The following AP3B2 variants were observed in gnomAD, a reference collection of about 807,000 sequenced individuals.
The protein encoded by AP3B2 is adaptor related protein complex 3 subunit beta 2.
A neutral mutation model predicts 126.9 loss-of-function variants in AP3B2; 50 were observed. The ratio of observed to expected loss-of-function variants is 0.39; its 90% confidence interval spans 0.31 to 0.50. AP3B2 has a LOEUF of 0.50. AP3B2 is among the 20% of genes least tolerant of loss of function. The probability of loss-of-function intolerance (pLI) is 0.79; values close to 1 mark genes in which losing one functional copy is unlikely to be tolerated. For synonymous variants in AP3B2, 541 were observed against 565.0 expected, an observed-to-expected ratio of 0.96 and a Z score of 0.60; for missense variants, 1,177 against 1,426.4, an observed-to-expected ratio of 0.83 and a Z score of 2.82.
intron 11 of AP3B2, 138 bp from the exon 12 acceptor site, chr15:82,677,941 A>G (rs1025109943): frequency 1.4e-5 from 18 of 1,329,198 alleles, no homozygotes; most frequent in South Asian, 5.8e-5. Flanking sequence ...CTCCACCCCC[A>G]ATCCAGTGAT....
intron 14 of AP3B2, among the ~76,000 whole-genome samples, chr15:82,673,885 G>GC (rs2048199167): frequency 6.6e-6 from 1 of 152,126 alleles, no homozygotes; most frequent in Non-Finnish European, 1.5e-5. Context: ...ATCCCACTGT[G>GC]CCCCTGGCAG....
At position 82,680,349 on chromosome 15, in the gene AP3B2, C is replaced by A; in HGVS notation, c.1056-120G>T. ...AGGACCAGTGCGGAGGGCAGGACTA[C>A]GGTCAGTGTGGAGCGGGTGGGCAGA... On this transcript the variant is annotated intron_variant, in intron 8 of 26. Coordinates refer to ENST00000535359, the MANE Select transcript of AP3B2 (RefSeq NM_001278512.2). The surrounding 1 kb of genome is among the most constrained non-coding windows in gnomAD (Gnocchi z 6.1). 1.3e-5 allele frequency: 20 copies of A among 1,514,516 alleles called. No homozygotes were observed. The highest frequency in any genetic ancestry group is 1.7e-5 in the Non-Finnish European group (19 of 1,120,476). The allele number at this position is 1,514,516 out of a possible 1,614,324, so 93.8% of individuals were successfully genotyped here.
chr15:82,676,678 A>C, intron 13 of AP3B2, 41 bp from the exon 14 acceptor site: 1 of 1,603,426 alleles, frequency 6.2e-7, no homozygotes, highest in Non-Finnish European at 8.5e-7. Context: ...TAAATACGGG[A>C]AAGTGGGTGG....
chr15:82,663,675 C>G (rs2047997472), intron 20 of AP3B2, 55 bp from the exon 21 acceptor site: 2 of 1,612,020 alleles, frequency 1.2e-6, no homozygotes, highest in Non-Finnish European at 1.7e-6. Flanking sequence ...TTGGCATGTT[C>G]TGGGTTGGGT....
chr15:82,659,868 A>T lies in AP3B2; in HGVS notation c.3132T>A (p.Pro1044=). Residue 1044 remains proline, a synonymous_variant, in exon 26 of 27, where the codon CCT becomes CCA. Coordinates refer to ENST00000535359, the MANE Select transcript of AP3B2 (RefSeq NM_001278512.2). ...VTATANLGRV[P]CGTSDEYRFA... ...ACCTGTACTCATCAGATGTCCCACAAGGAACACGACCCAGGTTGGCAGTGG... is the reference window on the plus strand; with the variant it reads ...ACCTGTACTCATCAGATGTCCCACATGGAACACGACCCAGGTTGGCAGTGG... 1 of 1,614,004 alleles carries T rather than the reference A, an allele frequency of 6.2e-7. No individual in the cohort carries two copies. The highest frequency in any genetic ancestry group is 1.1e-5 in the South Asian group (1 of 91,082).
chr15:82,698,544 C>T (rs2048666767), intron 1 of AP3B2, among the ~76,000 whole-genome samples: 1 of 151,954 alleles, frequency 6.6e-6, no homozygotes, highest in African/African-American at 2.4e-5. Context: ...TTGGACCAAA[C>T]TTGGCCTCTC....
At chr15:82,661,547 A>G (rs916501909) in intron 25 of AP3B2, among the ~76,000 whole-genome samples, 1 of 152,234 alleles carries the variant, frequency 6.6e-6, no homozygotes, top group Non-Finnish European at 1.5e-5. Flanking sequence ...TTCAGTATCT[A>G]TAAATATAAA....
chr15:82,698,870 G>A (rs1202373991), intron 1 of AP3B2, among the ~76,000 whole-genome samples: 1 of 152,094 alleles, frequency 6.6e-6, no homozygotes, highest in Admixed American at 6.5e-5. Flanking sequence ...AATGAAAGGG[G>A]GCAGGACCAC....
chr15:82,662,949 G>A (rs1156784759), intron 22 of AP3B2, 27 bp from the exon 23 acceptor site: 1 of 1,599,354 alleles, frequency 6.3e-7, no homozygotes, highest in Admixed American at 1.7e-5. Flanking sequence ...GGGAAGGACA[G>A]AACTGAGCAA....
chr15:82,672,418 A>T (rs1331152555), intron 14 of AP3B2, among the ~76,000 whole-genome samples: 1 of 152,184 alleles, frequency 6.6e-6, no homozygotes. Context: ...AAAAGAATTG[A>T]GCTCATGGAG....
intron 1 of AP3B2, among the ~76,000 whole-genome samples, chr15:82,691,113 G>C (rs1173332732): frequency 6.6e-6 from 1 of 152,168 alleles, no homozygotes; most frequent in African/African-American, 2.4e-5. Flanking sequence ...ACAATCCTTT[G>C]GGTATATACC....
Position 82,680,797 on chromosome 15 carries a change from A to G in AP3B2, c.771+40T>C. On this transcript the variant is annotated intron_variant, in intron 7 of 26. Transcript: ENST00000535359. This position sits in a 1 kb window ranked among gnomAD's most constrained non-coding sequence, Gnocchi z 6.1. ...ACGGGTCTGTGGGCGCCTCCCCGGG[A>G]CACACTTCGGCCCGCTCTGCCTGGG... 6.2e-7 allele frequency: 1 copy of G among 1,609,216 alleles called. No individual in the cohort carries two copies. The highest frequency in any genetic ancestry group is 1.3e-5 in the African/African-American group (1 of 74,900).
chr15:82,684,417 C>T (rs1299569878), intron 4 of AP3B2, among the ~76,000 whole-genome samples: 1 of 152,204 alleles, frequency 6.6e-6, no homozygotes, highest in East Asian at 1.9e-4. Context: ...TCTGTAGCTT[C>T]CTCACCTCTC....
rs983825081 is a variant in AP3B2, at chr15:82,689,020, C to T, written c.264+138G>A. 4.0e-5 allele frequency: 43 copies of T among 1,081,400 alleles called. No homozygotes were observed. In the Middle Eastern group the frequency reaches 7.9e-4, roughly 20 times the overall value. The allele number at this position is 1,081,400 out of a possible 1,614,324, so 67.0% of individuals were successfully genotyped here. A position where few individuals can be genotyped will look rare whatever the true frequency, so the allele number is the denominator to read the frequency against. ...CACATCCAGTTCAGGGACATGGAGA[C>T]AGTGTCTTCTCCTGGCTCAGAGACA... is the stretch of plus-strand genomic sequence containing the variant. On this transcript the variant is annotated intron_variant, in intron 3 of 26. Transcript: ENST00000535359.
intron 4 of AP3B2, chr15:82,686,600 A>G (rs185844904): frequency 6.6e-6 from 1 of 152,298 alleles, no homozygotes; most frequent in African/African-American, 2.4e-5. Flanking sequence ...ATTATTCTTT[A>G]TGCCTTTTGT....
Position 82,700,678 on chromosome 15 carries a change from C to T in AP3B2, c.113+8916G>A, listed in dbSNP as rs548020700. ...CCTCCCAAAGTGCTAGGATTACAGG[C>T]GTGAGCCACCGCGCCTGGCCTGGTT... On this transcript the variant is annotated intron_variant, in intron 1 of 26. Transcript: ENST00000535359. Among the ~76,000 whole-genome samples the T allele has an allele frequency of 1.2e-4, 18 of 151,894 alleles. No homozygotes were observed. The South Asian group carries it at 2.1e-3, about 18-fold the overall frequency.
intron 1 of AP3B2, among the ~76,000 whole-genome samples, chr15:82,695,466 TG>T (rs2048616908): frequency 1.3e-5 from 2 of 152,104 alleles, no homozygotes; most frequent in Admixed American, 1.3e-4. Context: ...ATGGTTGAGT[TG>T]ATCACATGGC....
intron 1 of AP3B2, 86 bp downstream of exon 1, chr15:82,709,508 G>A (rs2048848806): frequency 2.1e-6 from 2 of 955,244 alleles, no homozygotes; most frequent in Non-Finnish European, 2.6e-6. Flanking sequence ...GCCGGCGCTG[G>A]GGCCGGGCGC....
chr15:82,698,747 C>T (rs1157950160), intron 1 of AP3B2, among the ~76,000 whole-genome samples: 2 of 151,978 alleles, frequency 1.3e-5, no homozygotes, highest in African/African-American at 2.4e-5. Flanking sequence ...TCTGGGTATT[C>T]CCTTCCTCAC....
Sources: gnomAD v4.1 joint callset for allele counts (sites outside exome capture counted in the v4.1 genomes callset) on GRCh38, gnomAD v4.1.1 for gene constraint, Gnocchi (gnomAD v3.1) non-coding constraint, MANE v1.5 for transcripts, NCBI Gene and HGNC (gene_info 2026-07-23, HGNC 2026-07-21) for gene names.